The following PCMTD1 variants were observed in gnomAD, a reference collection of about 807,000 sequenced individuals.
The protein encoded by PCMTD1 is protein-L-isoaspartate (D-aspartate) O-methyltransferase domain containing 1, also known as protein-L-isoaspartate O-methyltransferase domain-containing protein 1.
Under a neutral mutation model 37.6 loss-of-function variants are expected in PCMTD1, and 12 were observed. That is an observed-to-expected ratio of 0.32 (90% confidence interval 0.20 to 0.52). The LOEUF (loss-of-function observed/expected upper bound fraction) is 0.52, where lower values mean the gene tolerates loss of function less well. Among genes scored for constraint, PCMTD1 ranks in the 20% least tolerant of loss-of-function variants. PCMTD1 has a pLI of 0.97. For synonymous variants in PCMTD1, 117 were observed against 135.8 expected (o/e 0.86, Z 0.96); for missense variants, 235 against 421.3 (o/e 0.56, Z 3.87).
At chr8:51,886,561 G>A (rs980216374) in intron 1 of PCMTD1, among the ~76,000 whole-genome samples, 5 of 152,110 alleles carry the variant, frequency 3.3e-5, no homozygotes, top group South Asian at 2.1e-4. Context: ...ATCCACAGGT[G>A]CCCCCAAGAT....
At chr8:51,884,110 C>T (rs2038831198) in intron 1 of PCMTD1, among the ~76,000 whole-genome samples, 1 of 152,064 alleles carries the variant, frequency 6.6e-6, no homozygotes, top group African/African-American at 2.4e-5. Flanking sequence ...AGATAAAATG[C>T]CTTCTTTGGG....
chr8:51,821,944 T>C lies in PCMTD1; in HGVS notation c.707-1226A>G, dbSNP rs921970457. 3.9e-5 allele frequency among the ~76,000 whole-genome samples: 6 copies of C among 152,132 alleles called. No individual in the cohort carries two copies. The South Asian group carries it at 8.3e-4, about 21-fold the overall frequency. On this transcript the variant is annotated intron_variant, in intron 5 of 5. Transcript: ENST00000522514. ...TACAGATGGGGTTTCACCATGTTAG[T>C]CAGGATGGTCTCAATCTCCTGACCT...
At chr8:51,827,831 C>T (rs2037942862) in intron 5 of PCMTD1, among the ~76,000 whole-genome samples, 1 of 152,034 alleles carries the variant, frequency 6.6e-6, no homozygotes, top group Admixed American at 6.6e-5. Flanking sequence ...AGGCTCCTCT[C>T]CATTTTACCC....
intron 5 of PCMTD1, among the ~76,000 whole-genome samples, chr8:51,831,189 T>G (rs1258770686): frequency 6.6e-6 from 1 of 151,982 alleles, no homozygotes; most frequent in Non-Finnish European, 1.5e-5. Flanking sequence ...TCCCACCTAC[T>G]TGGGTGTCTG....
intron 1 of PCMTD1, among the ~76,000 whole-genome samples, chr8:51,863,608 G>A (rs547180196): frequency 7.9e-5 from 12 of 152,144 alleles, no homozygotes; most frequent in Non-Finnish European, 1.5e-4. Flanking sequence ...CCAGCATGGC[G>A]AAATCCTGTC....
chr8:51,843,270 A>G (rs1563342445), intron 3 of PCMTD1, among the ~76,000 whole-genome samples: 2 of 152,092 alleles, frequency 1.3e-5, no homozygotes, highest in Admixed American at 1.3e-4. Context: ...CTCCTTGTAT[A>G]TAAGCTACTT....
intron 1 of PCMTD1, among the ~76,000 whole-genome samples, chr8:51,873,325 T>C (rs1186969814): frequency 3.3e-5 from 5 of 152,142 alleles, no homozygotes; most frequent in Admixed American, 2.0e-4. Context: ...ACTAAAAATA[T>C]TGTAAGAAGA....
chr8:51,887,549 T>A (rs957461958), intron 1 of PCMTD1, among the ~76,000 whole-genome samples: 11 of 152,144 alleles, frequency 7.2e-5, no homozygotes, highest in African/African-American at 2.4e-4. Flanking sequence ...TAACTATGTA[T>A]AAACTAACTG....
chr8:51,856,947 C>A (rs1412287438), intron 2 of PCMTD1, among the ~76,000 whole-genome samples: 1 of 152,190 alleles, frequency 6.6e-6, no homozygotes, highest in African/African-American at 2.4e-5. Context: ...GAATTGTACT[C>A]TTAAATGAGT....
chr8:51,892,292 G>A (rs997012127), intron 1 of PCMTD1, among the ~76,000 whole-genome samples: 1 of 152,106 alleles, frequency 6.6e-6, no homozygotes, highest in Non-Finnish European at 1.5e-5. Context: ...CAGATACCAC[G>A]TATCATTTCT....
chr8:51,860,305 C>A (rs746519097), intron 2 of PCMTD1, among the ~76,000 whole-genome samples: 1 of 152,198 alleles, frequency 6.6e-6, no homozygotes, highest in African/African-American at 2.4e-5. Context: ...AATCTTAGTC[C>A]CTTTTGATCA....
chr8:51,837,512 T>C (rs1398994677), intron 3 of PCMTD1, among the ~76,000 whole-genome samples: 1 of 152,112 alleles, frequency 6.6e-6, no homozygotes, highest in East Asian at 1.9e-4. Flanking sequence ...CAAAGAAAAC[T>C]GTAACACTAC....
chr8:51,881,109 T>C (rs2038785528), intron 1 of PCMTD1, among the ~76,000 whole-genome samples: 1 of 152,204 alleles, frequency 6.6e-6, no homozygotes, highest in South Asian at 2.1e-4. Flanking sequence ...TACTGAGTCT[T>C]CATTACTCTC....
At chr8:51,868,576 G>C (rs768178701) in intron 1 of PCMTD1, among the ~76,000 whole-genome samples, 7 of 152,056 alleles carry the variant, frequency 4.6e-5, no homozygotes, top group Non-Finnish European at 8.8e-5. Context: ...GGGTTATAGA[G>C]AGAGCACAGA....
chr8:51,859,730 G>A (rs1436582378), intron 2 of PCMTD1, among the ~76,000 whole-genome samples: 1 of 152,170 alleles, frequency 6.6e-6, no homozygotes, highest in Non-Finnish European at 1.5e-5. Context: ...AAGTAGGACT[G>A]TCCCAACACA....
intron 1 of PCMTD1, among the ~76,000 whole-genome samples, chr8:51,866,363 T>C (rs914846099): frequency 1.3e-5 from 2 of 152,034 alleles, no homozygotes; most frequent in East Asian, 1.9e-4. Context: ...CCTCACATTA[T>C]CTGACTTCAA....
At chr8:51,893,928 A>G (rs1440077644) in intron 1 of PCMTD1, among the ~76,000 whole-genome samples, 1 of 152,244 alleles carries the variant, frequency 6.6e-6, no homozygotes, top group African/African-American at 2.4e-5. Context: ...CACCCACTGG[A>G]AGACACAAGG....
intron 5 of PCMTD1, 40 bp downstream of exon 5, chr8:51,831,404 T>A: frequency 1.3e-6 from 2 of 1,593,866 alleles, no homozygotes; most frequent in Non-Finnish European, 8.6e-7. Context: ...CCAAACACCA[T>A]AAGTCATAAT....
chr8:51,871,020 T>A (rs1045664434), intron 1 of PCMTD1, among the ~76,000 whole-genome samples: 1 of 152,186 alleles, frequency 6.6e-6, no homozygotes, highest in African/African-American at 2.4e-5. Context: ...GTACACTGAA[T>A]ATAAAGTTTC....
Sources: gnomAD v4.1 joint callset for allele counts (sites outside exome capture counted in the v4.1 genomes callset) on GRCh38, gnomAD v4.1.1 for gene constraint, MANE v1.5 for transcripts, NCBI Gene and HGNC (gene_info 2026-07-23, HGNC 2026-07-21) for gene names.